Variants in HEATR1 observed in about 807,000 individuals in gnomAD.
HEATR1 encodes the protein HEAT repeat containing 1, also known as HEAT repeat-containing protein 1.
In HEATR1, 77 loss-of-function variants were observed where a neutral mutation model predicts 248.2. The ratio of observed to expected loss-of-function variants is 0.31; its 90% CI spans 0.26 to 0.37. The LOEUF (loss-of-function observed/expected upper bound fraction) is 0.37. Ranked by LOEUF, HEATR1 falls within the 10% of genes least tolerant of loss-of-function variation. The probability of loss-of-function intolerance (pLI) is 1.00; values close to 1 mark genes in which losing one functional copy is unlikely to be tolerated. For missense variants in HEATR1, 2,420 were observed against 2,504.9 expected, an observed-to-expected ratio of 0.97 and a Z score of 0.72; for synonymous variants, 897 against 923.1, an observed-to-expected ratio of 0.97 and a Z score of 0.51.
intron 20 of HEATR1, 46 bp from the exon 21 acceptor site, chr1:236,576,995 G>A: frequency 6.9e-7 from 1 of 1,455,060 alleles, no homozygotes; most frequent in Non-Finnish European, 9.2e-7. Context: ...TTTAAAAACT[G>A]AAACAGTACA....
chr1:236,584,378 T>C (rs1891236), intron 17 of HEATR1, among the ~76,000 whole-genome samples: 89,849 of 152,042 alleles, frequency 0.59, 28,235 homozygotes, highest in Non-Finnish European at 0.69. Context: ...ACAATGGCCA[T>C]GATCAGAACT....
chr1:236,566,024 T>A lies in HEATR1; in HGVS notation c.4330A>T (p.Thr1444Ser), dbSNP rs199902201. The change falls in exon 31 of 45, where the codon ACT becomes TCT. Residue 1444 changes from threonine (T) to serine (S), a missense_variant. Thr to Ser is a moderately conservative substitution (Grantham distance 58, BLOSUM62 1). Transcript: ENST00000366582. ...GEKDAILEAD[T>S]EFWFSVCCEF... is the part of the protein sequence containing the mutation. Reference sequence around the variant, plus strand: ...CAACAGACTGAAAACCAAAATTCAGTGTCTGCTTCTAAAATAGCATCCTGT... The same window carrying A: ...CAACAGACTGAAAACCAAAATTCAGAGTCTGCTTCTAAAATAGCATCCTGT... The A allele has an allele frequency of 6.2e-7, 1 of 1,613,772 alleles. No individual in the cohort carries two copies. The highest frequency in any genetic ancestry group is 2.2e-5 in the East Asian group (1 of 44,854).
intron 32 of HEATR1, among the ~76,000 whole-genome samples, chr1:236,562,987 C>T (rs900519027): frequency 6.6e-6 from 1 of 152,216 alleles, no homozygotes; most frequent in Non-Finnish European, 1.5e-5. Flanking sequence ...ATACAGATCA[C>T]AACCTACACT....
intron 12 of HEATR1, among the ~76,000 whole-genome samples, chr1:236,589,880 AAAT>A (rs759568056): frequency 5.3e-5 from 8 of 152,240 alleles, no homozygotes; most frequent in Non-Finnish European, 8.8e-5. Flanking sequence ...CTATGTAAAA[AAAT>A]AATGAGTCCA....
Position 236,557,348 on chromosome 1 carries a change from A to G in HEATR1, c.5205-3T>C, listed in dbSNP as rs201974431. ...TTGTCAGCAACGATGGCATCAGGCTAGAAACAAAGTAAGAGCTTTAGAAGA... is the reference window on the plus strand; with the variant it reads ...TTGTCAGCAACGATGGCATCAGGCTGGAAACAAAGTAAGAGCTTTAGAAGA... On this transcript the variant is annotated splice_region_variant and splice_polypyrimidine_tract_variant and intron_variant, in intron 36 of 44. Transcript: ENST00000366582. 4 of 1,613,870 alleles carry G rather than the reference A, an allele frequency of 2.5e-6. No homozygotes were observed. The highest frequency in any genetic ancestry group is 1.3e-5 in the African/African-American group (1 of 75,058).
At chr1:236,590,482 C>A (rs1295624494) in intron 12 of HEATR1, among the ~76,000 whole-genome samples, 1 of 152,164 alleles carries the variant, frequency 6.6e-6, no homozygotes, top group African/African-American at 2.4e-5. Flanking sequence ...AGTGATCCTT[C>A]TCACAGAGTG....
chr1:236,588,081 C>T (rs1238548532), intron 12 of HEATR1, 38 bp from the exon 13 acceptor site: 1 of 1,499,114 alleles, frequency 6.7e-7, no homozygotes, highest in Non-Finnish European at 9.2e-7. Context: ...TAGCTGTTGC[C>T]AAAAATCTCT....
chr1:236,566,962 T>C, intron 29 of HEATR1, 86 bp from the exon 30 acceptor site: 2 of 838,256 alleles, frequency 2.4e-6, no homozygotes, highest in Non-Finnish European at 3.9e-6. Context: ...GGCTTTTAGA[T>C]GGGCCCCAAG....
rs145126908 is a variant in HEATR1, at chr1:236,565,943, G to C, written c.4411C>G (p.Leu1471Val). The change falls in exon 31 of 45, where the codon CTA becomes GTA. Residue 1471 changes from leucine to valine, a missense_variant. Coordinates refer to ENST00000366582, the MANE Select transcript of HEATR1 (RefSeq NM_018072.6). The part of the protein sequence containing the change: ...QSLMNILQYL[L>V]KLPEEKEETI... The stretch of plus-strand genomic sequence containing the variant: ...CCTTCTTTTTCCTCTGGCAGCTTTA[G>C]TAAGTACTGGAGGATATTCATCAAG... 6.2e-7 allele frequency: 1 copy of C among 1,613,588 alleles called. No homozygotes were observed. The highest frequency in any genetic ancestry group is 1.3e-5 in the African/African-American group (1 of 75,032).
At chr1:236,566,079 A>C in intron 30 of HEATR1, 34 bp from the exon 31 acceptor site, 2 of 1,601,150 alleles carry the variant, frequency 1.2e-6, no homozygotes, top group Non-Finnish European at 1.7e-6. Flanking sequence ...ACAAATCTGT[A>C]CTTAGGAATT....
In HEATR1 at chr1:236,549,718, G is replaced by C. The variant is rs1662629265; in HGVS notation, c.*1184C>G. 6.6e-6 allele frequency: 1 copy of C among 152,136 alleles called. No individual in the cohort carries two copies. The highest frequency in any genetic ancestry group is 2.1e-4 in the South Asian group (1 of 4,828). 9.4% of individuals were successfully genotyped at this position (152,136 alleles called of 1,614,324 possible). ...TTATTTTTCTCCATAAAGACCATCAGAGTGCTTAACTGAGCTGTTGGAGAC... is the reference window on the plus strand; with the variant it reads ...TTATTTTTCTCCATAAAGACCATCACAGTGCTTAACTGAGCTGTTGGAGAC... On this transcript the variant is annotated 3_prime_UTR_variant, in exon 45 of 45. Coordinates refer to ENST00000366582, the MANE Select transcript of HEATR1 (RefSeq NM_018072.6).
chr1:236,600,133 T>A (rs1350261120), intron 3 of HEATR1, among the ~76,000 whole-genome samples: 2 of 135,322 alleles, frequency 1.5e-5, no homozygotes, highest in Admixed American at 7.4e-5. Flanking sequence ...TTTTTTTTTT[T>A]TTTTTTTTTT....
chr1:236,564,386 G>A (rs1572035968), intron 32 of HEATR1, 112 bp downstream of exon 32: 1 of 837,792 alleles, frequency 1.2e-6, no homozygotes, highest in East Asian at 2.6e-5. Context: ...TATCTTTAAA[G>A]GCGTGCCTCC....
chr1:236,597,112 A>C (rs1306921838), intron 5 of HEATR1, 136 bp from the exon 6 acceptor site: 2 of 551,836 alleles, frequency 3.6e-6, no homozygotes, highest in Non-Finnish European at 5.7e-6. Flanking sequence ...GCGACAAAGC[A>C]AGTCCATGTC....
chr1:236,563,663 A>T (rs1196738985), intron 32 of HEATR1, among the ~76,000 whole-genome samples: 1 of 152,202 alleles, frequency 6.6e-6, no homozygotes, highest in South Asian at 2.1e-4. Context: ...CTGTTAACGC[A>T]TTATAGGACC....
At chr1:236,577,152 T>C (rs1047276615) in intron 20 of HEATR1, among the ~76,000 whole-genome samples, 1 of 122,000 alleles carries the variant, frequency 8.2e-6, no homozygotes, top group Non-Finnish European at 1.9e-5. Context: ...CACAAGAGCA[T>C]ACTATAAACT....
chr1:236,556,074 A>C (rs376154256), intron 38 of HEATR1, 26 bp downstream of exon 38: 2 of 1,613,462 alleles, frequency 1.2e-6, no homozygotes, highest in Admixed American at 3.3e-5. Flanking sequence ...CCTTCTCCAA[A>C]GTCTTAATAC....
Position 236,604,063 on chromosome 1 carries a change from G to A in HEATR1, c.33C>T (p.Leu11=), listed in dbSNP as rs773996525. ...GGCTGGCATCACTTTGAGGGAGGGC[G>A]AGTCGTTGCAGCTGCTGGGCTAAGG... MTSLAQQLQR[L]ALPQSDASLL... is the part of the protein sequence containing the mutation. Residue 11 remains leucine (L), a synonymous_variant, in exon 2 of 45, where the codon CTC becomes CTT. Transcript: ENST00000366582. 15 of 1,581,224 alleles carry A rather than the reference G, an allele frequency of 9.5e-6. No individual in the cohort carries two copies. The highest frequency in any genetic ancestry group is 2.3e-5 in the East Asian group (1 of 43,112).
At position 236,567,941 on chromosome 1, in the gene HEATR1, T is replaced by C. The variant is rs536630257; in HGVS notation, c.4077+1055A>G. 3.9e-5 allele frequency among the ~76,000 whole-genome samples: 6 copies of C among 152,342 alleles called. No individual in the cohort carries two copies. The East Asian group carries it at 9.6e-4, about 24-fold the overall frequency. ...GTTTGAACCATTTTACTCCAGGTAT[T>C]GGTGATCAAAATATAGTTGTTGAAT... On this transcript the variant is annotated intron_variant, in intron 29 of 44. Transcript: ENST00000366582.
Sources: allele counts gnomAD v4.1 joint callset (sites outside exome capture counted in the v4.1 genomes callset), GRCh38; gene constraint gnomAD v4.1.1; transcripts MANE v1.5; gene names NCBI Gene and HGNC (gene_info 2026-07-23, HGNC 2026-07-21).